MAGI2: variants seen among roughly 807,000 people sequenced by gnomAD.
The protein encoded by MAGI2 is membrane associated guanylate kinase, WW and PDZ domain containing 2, also known as membrane-associated guanylate kinase, WW and PDZ domain-containing protein 2.
MAGI2 carries 35 observed loss-of-function variants against 133.3 expected under a neutral mutation model. That is an observed-to-expected ratio of 0.26 (90% CI 0.20 to 0.35). The LOEUF (loss-of-function observed/expected upper bound fraction) is 0.35. Among genes scored for constraint, MAGI2 ranks in the 10% least tolerant of loss-of-function variants. MAGI2 has a pLI of 1.00. For synonymous variants in MAGI2, 729 were observed against 710.6 expected (o/e 1.03, Z -0.41); for missense variants, 1,636 against 1,863.4 (o/e 0.88, Z 2.25).
chr7:78,605,731 G>A (rs1177703169), intron 3 of MAGI2, among the ~76,000 whole-genome samples: 2 of 152,188 alleles, frequency 1.3e-5, no homozygotes, highest in Non-Finnish European at 2.9e-5. Context: ...AGATGGAAAT[G>A]TAAACAAATA....
chr7:78,332,756 A>G (rs1190297343), intron 9 of MAGI2, among the ~76,000 whole-genome samples: 1 of 151,022 alleles, frequency 6.6e-6, no homozygotes, highest in Non-Finnish European at 1.5e-5. Context: ...TGCTGCTCTC[A>G]CCCTCACTGT....
At position 78,330,516 on chromosome 7, in the gene MAGI2, C is replaced by T. The variant is rs1468371157; in HGVS notation, c.1408+13262G>A. ...CCTGTAGTCCCAGCTACTCCGGAGG[C>T]TGAGGCAGGAGAATGGCGTGAACCC... On this transcript the variant is annotated intron_variant, in intron 9 of 21. Transcript: ENST00000354212. 2.5e-5 allele frequency among the ~76,000 whole-genome samples: 2 copies of T among 80,376 alleles called. 1 individual carries two copies. The highest frequency in any genetic ancestry group is 1.2e-4 in the African/African-American group (2 of 17,352). 52.7% of individuals were successfully genotyped at this position (80,376 alleles called of 152,430 possible).
At chr7:78,920,632 A>G (rs1482240010) in intron 2 of MAGI2, among the ~76,000 whole-genome samples, 2 of 152,270 alleles carry the variant, frequency 1.3e-5, no homozygotes, top group East Asian at 3.9e-4. Context: ...TTAGTTCTAC[A>G]TTCATTATGG....
intron 9 of MAGI2, among the ~76,000 whole-genome samples, chr7:78,305,694 CATTCTCCAA>C (rs1798196116): frequency 6.6e-6 from 1 of 152,170 alleles, no homozygotes; most frequent in South Asian, 2.1e-4. Flanking sequence ...ACTCCCTTTG[CATTCTCCAA>C]GGAACTGTAT....
chr7:78,284,454 T>C (rs566110460), intron 9 of MAGI2, among the ~76,000 whole-genome samples: 455 of 150,652 alleles, frequency 3.0e-3, no homozygotes, highest in Non-Finnish European at 5.7e-3. Flanking sequence ...TCTTTTCTTT[T>C]TTTTTTTTTT....
chr7:79,196,374 C>A lies in MAGI2; in HGVS notation c.302-189168G>T, dbSNP rs577551012. Reference sequence around the variant, plus strand: ...AAAAGCAATCAAATGGCACCTTGCCCCTCTCTGATTTCAATGATTTGAAAT... The same window carrying A: ...AAAAGCAATCAAATGGCACCTTGCCACTCTCTGATTTCAATGATTTGAAAT... On this transcript the variant is annotated intron_variant, in intron 1 of 21. Transcript: ENST00000354212. Among the ~76,000 whole-genome samples, 5 of 151,976 alleles carry A rather than the reference C, an allele frequency of 3.3e-5. No individual in the cohort carries two copies. In the East Asian group the frequency reaches 9.7e-4, roughly 29 times the overall value.
rs572138825 is a variant in MAGI2, at chr7:78,516,360, G to T, written c.754+5070C>A. Among the ~76,000 whole-genome samples, 8 of 152,140 alleles carry T rather than the reference G, an allele frequency of 5.3e-5. No homozygotes were observed. The East Asian group carries it at 1.5e-3, about 29-fold the overall frequency. On this transcript the variant is annotated intron_variant, in intron 4 of 21. Transcript: ENST00000354212. Reference sequence around the variant, plus strand: ...TGCATGACCTGTTTTTGTTGTTGTTGTTGTTTGTTGGGATAGGGTCTCACT... The same window carrying T: ...TGCATGACCTGTTTTTGTTGTTGTTTTTGTTTGTTGGGATAGGGTCTCACT...
intron 9 of MAGI2, among the ~76,000 whole-genome samples, chr7:78,263,523 G>T: frequency 6.6e-6 from 1 of 152,148 alleles, no homozygotes; most frequent in Non-Finnish European, 1.5e-5. Context: ...GCATGACCAA[G>T]TGAGCTTGTG....
chr7:79,072,519 C>T (rs1459207431), intron 1 of MAGI2, among the ~76,000 whole-genome samples: 2 of 152,048 alleles, frequency 1.3e-5, no homozygotes, highest in African/African-American at 4.8e-5. Context: ...GGTAGGAAGA[C>T]TACTATGTGG....
chr7:79,243,195 T>C (rs1426139104), intron 1 of MAGI2, among the ~76,000 whole-genome samples: 1 of 152,004 alleles, frequency 6.6e-6, no homozygotes, highest in Non-Finnish European at 1.5e-5. Flanking sequence ...AAAAGCCCCA[T>C]ACAGCATCAG....
chr7:78,806,069 A>G (rs1788553205), intron 2 of MAGI2, among the ~76,000 whole-genome samples: 1 of 152,224 alleles, frequency 6.6e-6, no homozygotes, highest in Non-Finnish European at 1.5e-5. Context: ...TTAAATAGGA[A>G]CACACAAGTA....
intron 3 of MAGI2, among the ~76,000 whole-genome samples, chr7:78,586,233 TGAA>T (rs1292090909): frequency 6.6e-6 from 1 of 152,180 alleles, no homozygotes; most frequent in Non-Finnish European, 1.5e-5. Context: ...TCTGGATAAC[TGAA>T]GAACTCTATG....
At chr7:78,456,041 C>T in intron 6 of MAGI2, among the ~76,000 whole-genome samples, 1 of 151,906 alleles carries the variant, frequency 6.6e-6, no homozygotes, top group Admixed American at 6.6e-5. Context: ...TGCACCTAGT[C>T]AACTTGTTTC....
chr7:78,866,007 G>T (rs1008230661), intron 2 of MAGI2, among the ~76,000 whole-genome samples: 35 of 152,116 alleles, frequency 2.3e-4, no homozygotes, highest in African/African-American at 8.5e-4. Flanking sequence ...TTGTTTCTTA[G>T]AAGAGAGAGA....
intron 16 of MAGI2, among the ~76,000 whole-genome samples, chr7:78,152,613 A>G (rs953245813): frequency 6.6e-6 from 1 of 152,268 alleles, no homozygotes; most frequent in Non-Finnish European, 1.5e-5. Flanking sequence ...AACATATTAT[A>G]TCAGCATAGA....
rs115876699 is a variant in MAGI2 at position 79,295,839 on chromosome 7, G to A, written c.301+157181C>T. On this transcript the variant is annotated intron_variant, in intron 1 of 21. Transcript: ENST00000354212. ...TATTAGATATATCATAATTTTAAAC[G>A]TGATCAAGAAGAAAACACACTTCCA... Among the ~76,000 whole-genome samples, 1,437 of 152,074 alleles carry A rather than the reference G, an allele frequency of 9.4e-3. 30 individuals carry two copies. Among genetic ancestry groups the A allele is most frequent in the African/African-American group, 0.031 (1,285 of 41,460 alleles).
At chr7:78,070,448 A>ATAT (rs1305382970) in intron 21 of MAGI2, among the ~76,000 whole-genome samples, 1 of 147,630 alleles carries the variant, frequency 6.8e-6, no homozygotes, top group Non-Finnish European at 1.5e-5. Context: ...ATATGTGTAT[A>ATAT]TATATGTGTG....
intron 1 of MAGI2, among the ~76,000 whole-genome samples, chr7:79,059,332 C>T (rs531354982): frequency 6.6e-6 from 1 of 152,120 alleles, no homozygotes; most frequent in South Asian, 2.1e-4. Context: ...CATCCACAAC[C>T]TCTGGCATAT....
intron 2 of MAGI2, among the ~76,000 whole-genome samples, chr7:78,864,335 A>C (rs1241311679): frequency 6.6e-6 from 1 of 152,366 alleles, no homozygotes; most frequent in Non-Finnish European, 1.5e-5. Context: ...ATACCATTCT[A>C]CAGCATTGAT....
Sources: allele counts gnomAD v4.1 joint callset (sites outside exome capture counted in the v4.1 genomes callset), GRCh38; gene constraint gnomAD v4.1.1; transcripts MANE v1.5; gene names NCBI Gene and HGNC (gene_info 2026-07-23, HGNC 2026-07-21).